Variants in PDE4B observed in about 807,000 individuals in gnomAD.
PDE4B encodes 3',5'-cyclic-AMP phosphodiesterase 4B.
Under a neutral mutation model 82.2 loss-of-function variants are expected in PDE4B, and 20 were observed. The ratio of observed to expected loss-of-function variants is 0.24; its 90% CI spans 0.17 to 0.35. PDE4B has a LOEUF of 0.35. Among genes scored for constraint, PDE4B ranks in the 10% least tolerant of loss-of-function variants. The pLI is 1.00. For synonymous variants in PDE4B, 320 were observed against 318.9 expected (o/e 1.00, Z -0.04); for missense variants, 655 against 907.2 (o/e 0.72, Z 3.57).
At chr1:65,884,491 G>C (rs1447989066) in intron 1 of PDE4B, among the ~76,000 whole-genome samples, 2 of 152,098 alleles carry the variant, frequency 1.3e-5, no homozygotes, top group Non-Finnish European at 2.9e-5. Flanking sequence ...AAAACAGCAT[G>C]GTACTGGTAC....
At chr1:66,105,869 A>G (rs1489975378) in intron 3 of PDE4B, among the ~76,000 whole-genome samples, 2 of 151,934 alleles carry the variant, frequency 1.3e-5, no homozygotes, top group Non-Finnish European at 2.9e-5. Context: ...TAGATATAGA[A>G]TCATGTCATC....
intron 7 of PDE4B, 115 bp downstream of exon 7, chr1:66,266,202 A>T (rs909271997): frequency 8.2e-6 from 7 of 856,316 alleles, no homozygotes; most frequent in Non-Finnish European, 1.2e-5. Context: ...GGCTCTCAAA[A>T]GTATGTCTCT....
chr1:66,012,831 G>A (rs568337336), intron 3 of PDE4B, among the ~76,000 whole-genome samples: 4 of 152,252 alleles, frequency 2.6e-5, no homozygotes, highest in South Asian at 4.1e-4. Flanking sequence ...TGCAGTGCAT[G>A]TGGATTTGTT....
intron 3 of PDE4B, among the ~76,000 whole-genome samples, chr1:66,213,254 C>T (rs1650207348): frequency 6.6e-6 from 1 of 152,134 alleles, no homozygotes; most frequent in Non-Finnish European, 1.5e-5. Context: ...TGACTTTCTT[C>T]TTCTTTAGAG....
In PDE4B at chr1:66,180,713, T is replaced by A. The variant is rs568331598; in HGVS notation, c.282-66747T>A. Among the ~76,000 whole-genome samples, 250 of 152,262 alleles carry A rather than the reference T, an allele frequency of 1.6e-3. 1 individual carries two copies. The highest frequency in any genetic ancestry group is 2.3e-3 in the Non-Finnish European group (158 of 68,014). On this transcript the variant is annotated intron_variant, in intron 3 of 16. Transcript: ENST00000341517. ...CCGACCACTGGCAGATAAAACAGAT[T>A]GCCCACAGTTATGAAGGGGTCTTAT...
At chr1:65,924,351 G>A (rs1438488719) in intron 3 of PDE4B, among the ~76,000 whole-genome samples, 1 of 151,526 alleles carries the variant, frequency 6.6e-6, no homozygotes, top group African/African-American at 2.4e-5. Context: ...TGGGATTACA[G>A]GCGTGAGCCA....
intron 3 of PDE4B, among the ~76,000 whole-genome samples, chr1:66,216,367 A>G (rs902601746): frequency 3.3e-5 from 5 of 150,626 alleles, no homozygotes; most frequent in Admixed American, 2.7e-4. Flanking sequence ...ATTTGAAGAA[A>G]GCAATTCAAA....
At chr1:66,047,256 C>G (rs1371111936) in intron 3 of PDE4B, among the ~76,000 whole-genome samples, 1 of 151,672 alleles carries the variant, frequency 6.6e-6, no homozygotes, top group Non-Finnish European at 1.5e-5. Context: ...TTATATTCTA[C>G]TTAACCTTTA....
intron 3 of PDE4B, among the ~76,000 whole-genome samples, chr1:66,020,552 C>G (rs1358008920): frequency 1.3e-5 from 2 of 149,312 alleles, no homozygotes; most frequent in African/African-American, 4.9e-5. Context: ...ACCTATGAGT[C>G]AGAACATGTG....
intron 3 of PDE4B, among the ~76,000 whole-genome samples, chr1:65,929,444 C>G (rs1001542668): frequency 2.6e-5 from 4 of 152,164 alleles, no homozygotes; most frequent in Admixed American, 1.3e-4. Context: ...ATCAATCTCA[C>G]TTTAATAGAC....
intron 3 of PDE4B, among the ~76,000 whole-genome samples, chr1:66,246,608 G>T (rs1315388407): frequency 2.0e-5 from 3 of 152,350 alleles, no homozygotes; most frequent in Middle Eastern, 3.4e-3. Context: ...AAAGGGCACA[G>T]TGCCCAGGGA....
chr1:66,194,615 A>G (rs1017702098), intron 3 of PDE4B, among the ~76,000 whole-genome samples: 2 of 152,176 alleles, frequency 1.3e-5, no homozygotes, highest in Admixed American at 1.3e-4. Flanking sequence ...AAGTTTTGGT[A>G]TCAAACAACT....
At chr1:66,079,064 C>T (rs949040139) in intron 3 of PDE4B, among the ~76,000 whole-genome samples, 3 of 152,012 alleles carry the variant, frequency 2.0e-5, no homozygotes, top group Non-Finnish European at 2.9e-5. Context: ...ACATCTTTCT[C>T]TTATAGTGTA....
intron 13 of PDE4B, among the ~76,000 whole-genome samples, chr1:66,366,575 C>T (rs1405916764): frequency 6.6e-6 from 1 of 152,254 alleles, no homozygotes; most frequent in Non-Finnish European, 1.5e-5. Context: ...GATCATCAGT[C>T]CTTGACCTTT....
At position 65,852,727 on chromosome 1, in the gene PDE4B, G is replaced by A. The variant is rs1646345719; in HGVS notation, c.-71+59479G>A. On this transcript the variant is annotated intron_variant, in intron 1 of 16. Coordinates refer to ENST00000341517, the MANE Select transcript of PDE4B (RefSeq NM_002600.4). ...TGTGATTTTTTTCTATTGATTTCTA[G>A]TATAACTCTGTTGTGGTCAGATACA... is the stretch of plus-strand genomic sequence containing the variant. Among the ~76,000 whole-genome samples the A allele has an allele frequency of 1.3e-5, 2 of 151,768 alleles. 1 individual carries two copies. The highest frequency in any genetic ancestry group is 4.8e-5 in the African/African-American group (2 of 41,336).
chr1:66,333,389 T>C (rs1425952488), intron 8 of PDE4B, among the ~76,000 whole-genome samples: 1 of 152,242 alleles, frequency 6.6e-6, no homozygotes. Context: ...TGTTGCTTTT[T>C]GTTTGTATTT....
intron 3 of PDE4B, among the ~76,000 whole-genome samples, chr1:65,943,828 T>G (rs1648567290): frequency 6.6e-6 from 1 of 152,030 alleles, no homozygotes; most frequent in Non-Finnish European, 1.5e-5. Flanking sequence ...CTGATTTATA[T>G]GTTGATTTTA....
intron 7 of PDE4B, among the ~76,000 whole-genome samples, chr1:66,315,861 G>A (rs11803904): frequency 0.11 from 17,292 of 151,956 alleles, 1,585 homozygotes; most frequent in African/African-American, 0.25. Context: ...CCCTACCTAC[G>A]AGGAAGTGTA....
At chr1:65,987,429 C>T (rs1469080497) in intron 3 of PDE4B, among the ~76,000 whole-genome samples, 1 of 152,122 alleles carries the variant, frequency 6.6e-6, no homozygotes, top group African/African-American at 2.4e-5. Flanking sequence ...GAACTTCTAG[C>T]AATATGACTG....
Sources: gnomAD v4.1 joint callset for allele counts (sites outside exome capture counted in the v4.1 genomes callset) on GRCh38, gnomAD v4.1.1 for gene constraint, MANE v1.5 for transcripts, NCBI Gene and HGNC (gene_info 2026-07-23, HGNC 2026-07-21) for gene names.